The following RIMS2 variants were observed in gnomAD, a reference collection of about 807,000 sequenced individuals.
RIMS2 encodes the protein regulating synaptic membrane exocytosis 2.
RIMS2 carries 59 observed loss-of-function variants against 174.4 expected under a neutral mutation model. The observed-to-expected ratio is 0.34, with a 90% CI of 0.27 to 0.42. The LOEUF is 0.42. Ranked by LOEUF, RIMS2 falls within the 10% of genes least tolerant of loss-of-function variation. RIMS2 has a pLI of 1.00. For missense variants in RIMS2, 1,620 were observed against 1,666.3 expected (o/e 0.97, Z 0.48); for synonymous variants, 606 against 572.5 (o/e 1.06, Z -0.84).
exon 12 of RIMS2, chr8:103,931,295 A>G: frequency 6.2e-7 from 1 of 1,604,954 alleles, no homozygotes; most frequent in Non-Finnish European, 8.5e-7. Flanking sequence ...TTGGTCACCA[A>G]TTAATAGTTA....
intron 1 of RIMS2, among the ~76,000 whole-genome samples, chr8:103,685,105 T>A (rs2096925694): frequency 1.0e-5 from 1 of 96,978 alleles, no homozygotes; most frequent in South Asian, 2.5e-4. Context: ...TTTCTTTTTC[T>A]TTTTTTTTTT....
intron 1 of RIMS2, among the ~76,000 whole-genome samples, chr8:103,527,300 C>A (rs2130759094): frequency 6.6e-6 from 1 of 152,188 alleles, no homozygotes; most frequent in East Asian, 1.9e-4. Context: ...TTGCAGATAC[C>A]CAAATCTGTG....
chr8:104,005,384 G>A (rs993179114), intron 17 of RIMS2, among the ~76,000 whole-genome samples: 2 of 152,178 alleles, frequency 1.3e-5, no homozygotes, highest in African/African-American at 4.8e-5. Flanking sequence ...GAAAGAATAA[G>A]TAGCTTCTGC....
exon 4 of RIMS2, chr8:103,885,568 A>T (rs747295124): frequency 6.2e-7 from 1 of 1,612,830 alleles, no homozygotes; most frequent in Non-Finnish European, 8.5e-7. Context: ...ACGAAAGGCA[A>T]AGGAGAGAGG....
chr8:104,118,332 G>GT (rs1367648231), intron 19 of RIMS2, among the ~76,000 whole-genome samples: 2 of 148,496 alleles, frequency 1.3e-5, no homozygotes, highest in Admixed American at 6.7e-5. Context: ...AATTATTGGG[G>GT]TTTTTTGTTT....
chr8:103,743,147 T>C (rs1010261942), intron 2 of RIMS2, among the ~76,000 whole-genome samples: 1 of 152,228 alleles, frequency 6.6e-6, no homozygotes, highest in Non-Finnish European at 1.5e-5. Context: ...AAGAAAACTC[T>C]GCACCTTTAA....
chr8:103,933,446 C>T (rs1003761724), intron 12 of RIMS2, among the ~76,000 whole-genome samples: 19 of 152,148 alleles, frequency 1.2e-4, no homozygotes, highest in Non-Finnish European at 1.9e-4. Flanking sequence ...AGATTGCATG[C>T]GGCATTGCAC....
intron 1 of RIMS2, among the ~76,000 whole-genome samples, chr8:103,602,128 G>A (rs959138723): frequency 6.6e-6 from 1 of 152,070 alleles, no homozygotes; most frequent in Non-Finnish European, 1.5e-5. Context: ...TGGGACTACA[G>A]GTGCATGCCA....
At chr8:104,161,620 G>C (rs115391542) in intron 19 of RIMS2, among the ~76,000 whole-genome samples, 1 of 152,170 alleles carries the variant, frequency 6.6e-6, no homozygotes, top group Non-Finnish European at 1.5e-5. Context: ...GATCTATGGT[G>C]TATCAGTTTC....
At chr8:103,776,999 T>G (rs2154431053) in intron 3 of RIMS2, among the ~76,000 whole-genome samples, 1 of 152,220 alleles carries the variant, frequency 6.6e-6, no homozygotes, top group Middle Eastern at 3.4e-3. Flanking sequence ...AAAAGGCATT[T>G]TAAAACCAAT....
intron 19 of RIMS2, among the ~76,000 whole-genome samples, chr8:104,158,694 T>A (rs2121551): frequency 1.3e-5 from 2 of 152,064 alleles, no homozygotes; most frequent in Non-Finnish European, 1.5e-5. Flanking sequence ...CATAAATGTC[T>A]TCTTTTGAGA....
intron 1 of RIMS2, among the ~76,000 whole-genome samples, chr8:103,611,801 G>T (rs894223713): frequency 7.3e-5 from 11 of 151,566 alleles, no homozygotes; most frequent in Non-Finnish European, 1.6e-4. Context: ...TCTTGTACTT[G>T]AATGCTCATA....
chr8:103,599,223 T>G (rs28709005), intron 1 of RIMS2, among the ~76,000 whole-genome samples: 27,486 of 151,468 alleles, frequency 0.18, 2,716 homozygotes, highest in African/African-American at 0.25. Context: ...CAAATACAAA[T>G]GAATATTTGT....
At chr8:103,622,563 T>C (rs1275986003) in intron 1 of RIMS2, among the ~76,000 whole-genome samples, 1 of 152,148 alleles carries the variant, frequency 6.6e-6, no homozygotes, top group South Asian at 2.1e-4. Context: ...CCACCCAATA[T>C]ACCCTATGAT....
intron 3 of RIMS2, among the ~76,000 whole-genome samples, chr8:103,850,961 T>G (rs1252896407): frequency 1.3e-5 from 2 of 152,040 alleles, no homozygotes; most frequent in Non-Finnish European, 2.9e-5. Context: ...TTTTTATAAC[T>G]TTTAGATAAA....
chr8:104,017,003 C>CTTTA (rs1208255142), intron 19 of RIMS2, among the ~76,000 whole-genome samples: 2 of 151,868 alleles, frequency 1.3e-5, no homozygotes, highest in Non-Finnish European at 2.9e-5. Context: ...GAGCCAAAAC[C>CTTTA]TCCCTTATCC....
intron 19 of RIMS2, among the ~76,000 whole-genome samples, chr8:104,222,599 G>A (rs545389083): frequency 6.6e-6 from 1 of 152,280 alleles, no homozygotes; most frequent in South Asian, 2.1e-4. Context: ...CTGGGAAAAC[G>A]AAATTAAAGT....
intron 14 of RIMS2, among the ~76,000 whole-genome samples, chr8:103,944,220 C>A (rs1308158434): frequency 6.6e-6 from 1 of 152,010 alleles, no homozygotes; most frequent in African/African-American, 2.4e-5. Context: ...ATAGTAAACA[C>A]CCATACACTT....
intron 2 of RIMS2, among the ~76,000 whole-genome samples, chr8:103,746,476 G>A (rs1420718964): frequency 2.0e-5 from 3 of 152,080 alleles, no homozygotes; most frequent in Non-Finnish European, 4.4e-5. Flanking sequence ...TTTAGGTTCA[G>A]GGGTACATGT....
Sources: gnomAD v4.1 joint callset for allele counts (sites outside exome capture counted in the v4.1 genomes callset) on GRCh38, gnomAD v4.1.1 for gene constraint, MANE v1.5 for transcripts, NCBI Gene and HGNC (gene_info 2026-07-23, HGNC 2026-07-21) for gene names.